The following DCHS2 variants were observed in gnomAD, a reference collection of about 807,000 sequenced individuals.
DCHS2 encodes dachsous cadherin-related 2.
In DCHS2, 142 loss-of-function variants were observed where a neutral mutation model predicts 182.4. The ratio of observed to expected loss-of-function variants is 0.78; its 90% CI spans 0.68 to 0.89. The LOEUF (loss-of-function observed/expected upper bound fraction) is 0.89. DCHS2 is among the 40% of genes least tolerant of loss of function. The pLI, the probability that DCHS2 is intolerant of heterozygous loss-of-function variation, is 0.00. For missense variants in DCHS2, 4,319 were observed against 4,198.6 expected, an observed-to-expected ratio of 1.03 and a Z score of -0.79; for synonymous variants, 1,740 against 1,663.3, an observed-to-expected ratio of 1.05 and a Z score of -1.12.
intron 19 of DCHS2, 91 bp from the exon 20 acceptor site, chr4:154,237,250 T>C (rs1731576170): frequency 9.0e-6 from 13 of 1,441,522 alleles, no homozygotes; most frequent in Non-Finnish European, 1.1e-5. Flanking sequence ...TCTACTAATA[T>C]GTGTTTAATT....
chr4:154,307,074 A>AT (rs1419740735), intron 10 of DCHS2, among the ~76,000 whole-genome samples: 2 of 152,112 alleles, frequency 1.3e-5, no homozygotes, highest in Non-Finnish European at 1.5e-5. Context: ...GCATACACAC[A>AT]TTTTTCATAC....
Position 154,312,109 on chromosome 4 carries a change from A to G in DCHS2, c.5260+3639T>C, listed in dbSNP as rs114773056. Among the ~76,000 whole-genome samples, 375 of 152,326 alleles carry G rather than the reference A, an allele frequency of 2.5e-3. 3 individuals carry two copies. The highest frequency in any genetic ancestry group is 7.7e-3 in the African/African-American group (319 of 41,568). On this transcript the variant is annotated intron_variant, in intron 10 of 19. Coordinates refer to ENST00000357232, the MANE Select transcript of DCHS2 (RefSeq NM_001358235.2). ...GCAGCCTAAGTAGGCGATGGCTTCA[A>G]TTAGCATGCTGTTGTGACTTTCTCT...
chr4:154,267,911 C>G (rs1038484841), intron 14 of DCHS2, among the ~76,000 whole-genome samples: 1 of 152,172 alleles, frequency 6.6e-6, no homozygotes, highest in African/African-American at 2.4e-5. Flanking sequence ...TCACTCGTTT[C>G]AGGGGATTCC....
chr4:154,320,247 G>T, intron 9 of DCHS2, 132 bp downstream of exon 9: 1 of 1,376,092 alleles, frequency 7.3e-7, no homozygotes, highest in South Asian at 1.5e-5. Context: ...CTAGAGATAC[G>T]CTGTGCAACA....
At chr4:154,399,889 G>A (rs987853751) in intron 1 of DCHS2, among the ~76,000 whole-genome samples, 4 of 152,216 alleles carry the variant, frequency 2.6e-5, no homozygotes, top group African/African-American at 7.2e-5. Context: ...CTACGCTGCT[G>A]TGAATGAGCT....
intron 1 of DCHS2, among the ~76,000 whole-genome samples, chr4:154,378,778 C>A (rs2110811884): frequency 6.6e-6 from 1 of 152,240 alleles, no homozygotes; most frequent in Admixed American, 6.5e-5. Context: ...CTCTAATGAC[C>A]ATGATCTATG....
intron 1 of DCHS2, among the ~76,000 whole-genome samples, chr4:154,396,072 G>C (rs571750966): frequency 4.6e-5 from 7 of 152,170 alleles, no homozygotes; most frequent in Admixed American, 4.6e-4. Flanking sequence ...AGAAGAAATT[G>C]AGCATGATCA....
Position 154,442,529 on chromosome 4 carries a change from ACCCC to A in DCHS2, c.2052+46771_2052+46774del, listed in dbSNP as rs769550225. ...TTTTTGCTGTCACTGAAAAGTGGAC[ACCCC>A]CCCCCCCCCACACACACACACACAC... On this transcript the variant is annotated intron_variant, in intron 1 of 19. Transcript: ENST00000357232. Among the ~76,000 whole-genome samples the A allele has an allele frequency of 2.4e-3, 98 of 41,004 alleles. 4 individuals carry two copies. Among genetic ancestry groups the A allele is most frequent in the African/African-American group, 5.7e-3 (74 of 12,946 alleles). 26.9% of individuals were successfully genotyped at this position (41,004 alleles called of 152,430 possible).
intron 1 of DCHS2, among the ~76,000 whole-genome samples, chr4:154,412,231 G>A (rs1732661383): frequency 6.6e-6 from 1 of 152,140 alleles, no homozygotes; most frequent in Non-Finnish European, 1.5e-5. Context: ...GGAATAAAGA[G>A]AAACCTCTGC....
Position 154,259,806 on chromosome 4 carries a change from C to T in DCHS2, c.6578-50G>A, listed in dbSNP as rs749710411. The T allele has an allele frequency of 1.0e-5, 15 of 1,499,466 alleles. No homozygotes were observed. The East Asian group carries it at 3.6e-4, about 36-fold the overall frequency. 92.9% of individuals were successfully genotyped at this position (1,499,466 alleles called of 1,614,324 possible). ...AAAAGAAAATGATGTTGTAGTTATT[C>T]TTTTATTTTTTATTTTATTTATTTA... On this transcript the variant is annotated intron_variant, in intron 14 of 19. Transcript: ENST00000357232.
At chr4:154,302,978 CACAT>C (rs1340928924) in intron 12 of DCHS2, among the ~76,000 whole-genome samples, 1,784 of 108,854 alleles carry the variant, frequency 0.016, 43 homozygotes, top group Middle Eastern at 0.076. Context: ...CCCACACACA[CACAT>C]ATTTTTTTTT....
chr4:154,448,912 C>T (rs935341514), intron 1 of DCHS2, among the ~76,000 whole-genome samples: 2 of 152,158 alleles, frequency 1.3e-5, no homozygotes, highest in African/African-American at 4.8e-5. Context: ...TTCTTTGTAG[C>T]ACTTACTGAT....
intron 1 of DCHS2, among the ~76,000 whole-genome samples, chr4:154,450,235 A>C (rs923294926): frequency 6.6e-6 from 1 of 152,160 alleles, no homozygotes; most frequent in Non-Finnish European, 1.5e-5. Context: ...CAGTCTCCCA[A>C]AGTTATAAGT....
intron 1 of DCHS2, among the ~76,000 whole-genome samples, chr4:154,479,134 G>A (rs896909151): frequency 6.6e-6 from 1 of 152,018 alleles, no homozygotes; most frequent in African/African-American, 2.4e-5. Context: ...CAGAAACTAT[G>A]AGACAGAATA....
intron 1 of DCHS2, among the ~76,000 whole-genome samples, chr4:154,383,493 G>C (rs1731263172): frequency 2.6e-5 from 4 of 152,102 alleles, no homozygotes; most frequent in Admixed American, 2.6e-4. Flanking sequence ...AAAAAATAAA[G>C]TAAAATACAA....
chr4:154,409,146 G>A (rs771933272), intron 1 of DCHS2, among the ~76,000 whole-genome samples: 1 of 152,122 alleles, frequency 6.6e-6, no homozygotes, highest in African/African-American at 2.4e-5. Flanking sequence ...CCAAGTGACC[G>A]CAGTACCCTG....
chr4:154,360,351 A>G (rs1730061147), intron 3 of DCHS2, among the ~76,000 whole-genome samples: 1 of 152,242 alleles, frequency 6.6e-6, no homozygotes, highest in African/African-American at 2.4e-5. Flanking sequence ...TAAATGAGGC[A>G]GCTAATTTGT....
At position 154,455,722 on chromosome 4, in the gene DCHS2, G is replaced by T. The variant is rs530725899; in HGVS notation, c.2052+33582C>A. On this transcript the variant is annotated intron_variant, in intron 1 of 19. Coordinates refer to ENST00000357232, the MANE Select transcript of DCHS2 (RefSeq NM_001358235.2). ...TCGCTCAACACAATATTTCAAAAAGGTATTCATAGCTGCTCAATAAAGTGT... is the reference window on the plus strand; with the variant it reads ...TCGCTCAACACAATATTTCAAAAAGTTATTCATAGCTGCTCAATAAAGTGT... 1.7e-3 allele frequency among the ~76,000 whole-genome samples: 262 copies of T among 152,270 alleles called. 2 individuals carry two copies. Among genetic ancestry groups the T allele is most frequent in the Non-Finnish European group, 3.0e-3 (206 of 68,024 alleles).
At chr4:154,400,693 G>T (rs1732136020) in intron 1 of DCHS2, among the ~76,000 whole-genome samples, 2 of 152,150 alleles carry the variant, frequency 1.3e-5, no homozygotes, top group South Asian at 4.1e-4. Flanking sequence ...CTTAAAATCT[G>T]CCTTAGACAT....
Sources: allele counts gnomAD v4.1 joint callset (sites outside exome capture counted in the v4.1 genomes callset), GRCh38; gene constraint gnomAD v4.1.1; transcripts MANE v1.5; gene names NCBI Gene and HGNC (gene_info 2026-07-23, HGNC 2026-07-21).